Variants in ZNF426 observed in about 807,000 individuals in gnomAD.
ZNF426 encodes the protein CTC-543D15.7.
In ZNF426, 23 loss-of-function variants were observed where a neutral mutation model predicts 24.0. The observed-to-expected ratio is 0.96, with a 90% CI of 0.69 to 1.36. ZNF426 has a LOEUF of 1.36. ZNF426 is among the 40% of genes most tolerant of loss of function. The probability of loss-of-function intolerance (pLI) is 0.00; values close to 1 mark genes in which losing one functional copy is unlikely to be tolerated. For synonymous variants in ZNF426, 272 were observed against 224.6 expected (o/e 1.21, Z -1.89); for missense variants, 646 against 658.4 (o/e 0.98, Z 0.21).
At chr19:9,533,035 G>A (rs2073910689) in intron 5 of ZNF426, 110 bp from the exon 6 acceptor site, 3 of 905,526 alleles carry the variant, frequency 3.3e-6, no homozygotes, top group Admixed American at 2.3e-5. Context: ...ATTTCAAAAG[G>A]GCGAAAAATG....
At chr19:9,537,644 C>A (rs1338604388) in intron 2 of ZNF426, among the ~76,000 whole-genome samples, 1 of 150,540 alleles carries the variant, frequency 6.6e-6, no homozygotes, top group Non-Finnish European at 1.5e-5. Context: ...ATGCACACAT[C>A]CTTCGTTTCT....
At chr19:9,536,488 C>G in intron 2 of ZNF426, 132 bp from the exon 3 acceptor site, 1 of 809,080 alleles carries the variant, frequency 1.2e-6, no homozygotes, top group East Asian at 3.0e-5. Flanking sequence ...ACTGCTTCAG[C>G]CTAGAAGTTT....
At chr19:9,532,133 C>T (rs2073894121) in intron 6 of ZNF426, among the ~76,000 whole-genome samples, 1 of 152,106 alleles carries the variant, frequency 6.6e-6, no homozygotes, top group South Asian at 2.1e-4. Flanking sequence ...ACGTGACTCA[C>T]AGGTGGTGTA....
Position 9,528,854 on chromosome 19 carries a change from A to G in ZNF426, c.1191T>C (p.Cys397=). 1 of 1,614,176 alleles carries G rather than the reference A, an allele frequency of 6.2e-7. No individual in the cohort carries two copies. Among genetic ancestry groups the G allele is most frequent in the Non-Finnish European group, 8.5e-7 (1 of 1,180,026 alleles). Residue 397 remains cysteine, a synonymous_variant, in exon 8 of 8, where the codon TGT becomes TGC. Coordinates refer to ENST00000253115, the MANE Select transcript of ZNF426 (RefSeq NM_024106.3). ...TTGAGGAAACTGCAAAGGCTTTCCC[A>G]CATTCAACACATACAAAAGGCTTCT... is the stretch of plus-strand genomic sequence containing the variant. ...TGEKPFVCVE[C]GKAFAVSSNL...
chr19:9,536,682 C>T (rs2073970738), intron 2 of ZNF426: 2 of 216,728 alleles, frequency 9.2e-6, no homozygotes, highest in South Asian at 6.4e-5. Flanking sequence ...TCAACTGGGC[C>T]TTGATTGGAA....
At position 9,533,843 on chromosome 19, in the gene ZNF426, C is replaced by A. The variant is rs748823549; in HGVS notation, c.241G>T (p.Val81Leu). The change falls in exon 5 of 8, where the codon GTA becomes TTA. Residue 81 changes from valine (V) to leucine (L), a missense_variant. Transcript: ENST00000253115. The stretch of plus-strand genomic sequence containing the variant: ...CAAGGGATGAGGCCAGTCTTACCTA[C>A]TGTGGCCAGGTTCTTGTAGTTCTCC... Reference protein sequence around the residue: ...MLENYKNLATVGGQIIKPSLI... With the variant: ...MLENYKNLATLGGQIIKPSLI... The A allele has an allele frequency of 3.7e-6, 6 of 1,614,002 alleles. No homozygotes were observed. Among genetic ancestry groups the A allele is most frequent in the Admixed American group, 1.7e-5 (1 of 60,000 alleles).
intron 4 of ZNF426, 50 bp from the exon 5 acceptor site, chr19:9,534,016 C>T (rs372322429): frequency 8.8e-6 from 14 of 1,594,158 alleles, no homozygotes; most frequent in South Asian, 6.8e-5. Flanking sequence ...AGCCCATCAG[C>T]GTTCGCTGGA....
Position 9,528,652 on chromosome 19 carries a change from T to G in ZNF426, c.1393A>C (p.Ile465Leu), listed in dbSNP as rs765144428. The G allele has an allele frequency of 6.2e-6, 10 of 1,614,052 alleles. No homozygotes were observed. Among genetic ancestry groups the G allele is most frequent in the African/African-American group, 2.7e-5 (2 of 74,938 alleles). The part of the protein sequence containing the change: ...KAFNYSTHLK[I>L]HMRIHTGEKP... ...TCTCCAGTGTGGATTCGCATGTGAA[T>G]TTTAAGGTGGGTGGAATAGTTAAAA... is the stretch of plus-strand genomic sequence containing the variant. The change falls in exon 8 of 8, where the codon ATT becomes CTT. Residue 465 changes from isoleucine to leucine, a missense_variant. Coordinates refer to ENST00000253115, the MANE Select transcript of ZNF426 (RefSeq NM_024106.3).
Position 9,529,529 on chromosome 19 carries a change from G to C in ZNF426, c.516C>G (p.Asn172Lys). 1 of 1,612,538 alleles carries C rather than the reference G, an allele frequency of 6.2e-7. No homozygotes were observed. The highest frequency in any genetic ancestry group is 8.5e-7 in the Non-Finnish European group (1 of 1,180,026). ...KTHVRTQSTG[N>K]THDCNQYGKD... ...TTCCATACTGATTACAGTCATGAGT[G>C]TTCCCTGTACTTTGAGTTCTCACGT... Residue 172 changes from asparagine to lysine, a missense_variant, in exon 8 of 8, where the codon AAC becomes AAG. Coordinates refer to ENST00000253115, the MANE Select transcript of ZNF426 (RefSeq NM_024106.3).
rs755880561 is a variant in ZNF426, at chr19:9,536,190, A to T, written c.25+18T>A. The T allele has an allele frequency of 6.2e-6, 10 of 1,614,028 alleles. No homozygotes were observed. ...GGAACCTAGAACAGGATATCCTAAA[A>T]AGAGCAACAGAGCTTACCATGGGAC... On this transcript the variant is annotated intron_variant, in intron 3 of 7. Transcript: ENST00000253115.
rs979679253 is a variant in ZNF426, at chr19:9,527,241, G to A, written c.*1139C>T. ...GTAAAAAAAATTCTGTGGAATTAAT[G>A]TAAGGCTTCCTACATGCATTACAGG... On this transcript the variant is annotated 3_prime_UTR_variant, in exon 8 of 8. Transcript: ENST00000253115. The A allele has an allele frequency of 6.6e-6, 1 of 152,116 alleles. No homozygotes were observed. The highest frequency in any genetic ancestry group is 2.4e-5 in the African/African-American group (1 of 41,430). 9.4% of individuals were successfully genotyped at this position (152,116 alleles called of 1,614,324 possible). A position where few individuals can be genotyped will look rare whatever the true frequency, so the allele number is the denominator to read the frequency against.
rs914710660 is a variant in ZNF426, at chr19:9,526,956, A to G, written c.*1424T>C. ...ATTTTTCTAATACTTAATTGATCTG[A>G]TAACTTCTGAAAAATAGCTACAATG... On this transcript the variant is annotated 3_prime_UTR_variant, in exon 8 of 8. Coordinates refer to ENST00000253115, the MANE Select transcript of ZNF426 (RefSeq NM_024106.3). 1.3e-5 allele frequency: 2 copies of G among 152,200 alleles called. No individual in the cohort carries two copies. The highest frequency in any genetic ancestry group is 4.8e-5 in the African/African-American group (2 of 41,444). 9.4% of individuals were successfully genotyped at this position (152,200 alleles called of 1,614,324 possible).
At position 9,529,507 on chromosome 19, in the gene ZNF426, CA is replaced by C. The variant is rs1216781053; in HGVS notation, c.537del (p.Tyr179Ter). ...TCACACAGGGTAAGGAAATCTTTTC[CA>C]TACTGATTACAGTCATGAGTGTTCC... The part of the protein sequence containing the change: ...STGNTHDCNQ[Y>X]GKDFLTLCEK... On this transcript the variant is annotated frameshift_variant, in exon 8 of 8. Coordinates refer to ENST00000253115, the MANE Select transcript of ZNF426 (RefSeq NM_024106.3). LOFTEE classifies it low-confidence loss of function (END_TRUNC). The C allele has an allele frequency of 3.0e-5, 48 of 1,613,498 alleles. No individual in the cohort carries two copies. Among genetic ancestry groups the C allele is most frequent in the Non-Finnish European group, 4.1e-5 (48 of 1,180,024 alleles).
intron 6 of ZNF426, among the ~76,000 whole-genome samples, chr19:9,531,568 G>C (rs1001372596): frequency 1.3e-5 from 2 of 152,178 alleles, no homozygotes; most frequent in Admixed American, 1.3e-4. Flanking sequence ...CCAAGACAAG[G>C]ACATGGGGTA....
rs2073769892 is a variant in ZNF426, at chr19:9,524,276, T to C, written c.*4104A>G. The C allele has an allele frequency of 6.6e-6, 1 of 152,312 alleles. No individual in the cohort carries two copies. The highest frequency in any genetic ancestry group is 1.9e-4 in the East Asian group (1 of 5,190). The allele number at this position is 152,312 out of a possible 1,614,324, so 9.4% of individuals were successfully genotyped here. On this transcript the variant is annotated 3_prime_UTR_variant, in exon 8 of 8. Coordinates refer to ENST00000253115, the MANE Select transcript of ZNF426 (RefSeq NM_024106.3). ...TCCCATATTTTCCATTTACATAGGG[T>C]TTCCTGCCACTGTGAATTCTTACAA...
chr19:9,527,464 G>C lies in ZNF426; in HGVS notation c.*916C>G, dbSNP rs2073807142. On this transcript the variant is annotated 3_prime_UTR_variant, in exon 8 of 8. Transcript: ENST00000253115. ...TCTATTTTCACATGGTCTACGACCAGACAACTTGCATGTGAATATTAAAAT... is the reference window on the plus strand; with the variant it reads ...TCTATTTTCACATGGTCTACGACCACACAACTTGCATGTGAATATTAAAAT... 1 of 152,160 alleles carries C rather than the reference G, an allele frequency of 6.6e-6. No individual in the cohort carries two copies. The highest frequency in any genetic ancestry group is 2.4e-5 in the African/African-American group (1 of 41,434). 9.4% of individuals were successfully genotyped at this position (152,160 alleles called of 1,614,324 possible).
In ZNF426 at chr19:9,528,497, G is replaced by A. The variant is rs752292097; in HGVS notation, c.1548C>T (p.Ser516=). The change falls in exon 8 of 8, where the codon TCC becomes TCT. Residue 516 remains serine, a synonymous_variant. Transcript: ENST00000253115. ...CKECGKAFTC[S]SSFRIHEKTH... ...TTTTTTCATGAATTCTAAAGGAACT[G>A]GAACACGTGAAGGCTTTCCCACACT... The A allele has an allele frequency of 1.1e-5, 17 of 1,613,984 alleles. No individual in the cohort carries two copies. The highest frequency in any genetic ancestry group is 1.4e-5 in the Non-Finnish European group (16 of 1,180,020).
In ZNF426 at chr19:9,528,531, T is replaced by G. The variant is rs781576924; in HGVS notation, c.1514A>C (p.Glu505Ala). 2.5e-6 allele frequency: 4 copies of G among 1,613,844 alleles called. No homozygotes were observed. The highest frequency in any genetic ancestry group is 3.4e-6 in the Non-Finnish European group (4 of 1,179,936). The change falls in exon 8 of 8, where the codon GAA becomes GCA. Residue 505 changes from glutamate to alanine, a missense_variant. Physicochemically the swap from Glu to Ala is moderately radical, Grantham distance 107. Coordinates refer to ENST00000253115, the MANE Select transcript of ZNF426 (RefSeq NM_024106.3). ...GAAGGCTTTCCCACACTCCTTGCAT[T>G]CATAGGGTTTCTCTCCAGTGTGAGT... ...ERTHTGEKPY[E>A]CKECGKAFTC... is the part of the protein sequence containing the mutation.
rs1344136557 is a variant in ZNF426, at chr19:9,536,405, T to C, written c.-124-49A>G. On this transcript the variant is annotated intron_variant, in intron 2 of 7. Coordinates refer to ENST00000253115, the MANE Select transcript of ZNF426 (RefSeq NM_024106.3). Reference sequence around the variant, plus strand: ...ACAAGCAGTACTTAATCATCAGCCATCAAACATATACACCGGCTGGGGCAG... The same window carrying C: ...ACAAGCAGTACTTAATCATCAGCCACCAAACATATACACCGGCTGGGGCAG... 3.3e-6 allele frequency: 5 copies of C among 1,506,330 alleles called. No individual in the cohort carries two copies. The Admixed American group carries it at 8.1e-5, about 24-fold the overall frequency. The allele number at this position is 1,506,330 out of a possible 1,614,324, so 93.3% of individuals were successfully genotyped here.
Sources: allele counts gnomAD v4.1 joint callset (sites outside exome capture counted in the v4.1 genomes callset), GRCh38; gene constraint gnomAD v4.1.1; transcripts MANE v1.5; gene names NCBI Gene and HGNC (gene_info 2026-07-23, HGNC 2026-07-21).